Variants in ARMC9 observed in about 807,000 individuals in gnomAD.
ARMC9 encodes lisH domain-containing protein ARMC9.
A neutral mutation model predicts 107.0 loss-of-function variants in ARMC9; 94 were observed. The observed-to-expected ratio is 0.88, with a 90% CI of 0.74 to 1.04. The LOEUF is 1.04. ARMC9 is among the 50% of genes least tolerant of loss of function. The probability of loss-of-function intolerance (pLI) is 0.00; values close to 1 mark genes in which losing one functional copy is unlikely to be tolerated. For synonymous variants in ARMC9, 380 were observed against 396.9 expected, an observed-to-expected ratio of 0.96 and a Z score of 0.51; for missense variants, 942 against 1,030.1, an observed-to-expected ratio of 0.91 and a Z score of 1.17.
chr2:231,278,354 A>G (rs755302629), intron 15 of ARMC9, 28 bp from the exon 16 acceptor site: 3 of 1,610,888 alleles, frequency 1.9e-6, no homozygotes, highest in Middle Eastern at 1.7e-4. Flanking sequence ...TAGACATGTC[A>G]TGTTTAGCTT....
intron 3 of ARMC9, among the ~76,000 whole-genome samples, chr2:231,212,663 C>A (rs2033031158): frequency 6.6e-6 from 1 of 152,210 alleles, no homozygotes; most frequent in Non-Finnish European, 1.5e-5. Flanking sequence ...CACAGCACTG[C>A]CCCTGGGAGG....
chr2:231,209,023 T>G (rs1419395625), intron 3 of ARMC9, among the ~76,000 whole-genome samples: 3 of 152,028 alleles, frequency 2.0e-5, no homozygotes, highest in African/African-American at 7.3e-5. Flanking sequence ...TGCCTCACCC[T>G]CCCTAGTAGC....
intron 5 of ARMC9, among the ~76,000 whole-genome samples, chr2:231,217,984 C>T (rs553749958): frequency 1.0e-4 from 14 of 137,700 alleles, no homozygotes; most frequent in South Asian, 8.7e-4. Flanking sequence ...TGAGCCACCG[C>T]GCCTTGTTTG....
Position 231,358,034 on chromosome 2 carries a change from G to A in ARMC9, c.2131+2100G>A, listed in dbSNP as rs2697743. Among the ~76,000 whole-genome samples the A allele has an allele frequency of 2.0e-5, 3 of 152,196 alleles. No homozygotes were observed. Among genetic ancestry groups the A allele is most frequent in the African/African-American group, 7.2e-5 (3 of 41,540 alleles). On this transcript the variant is annotated intron_variant, in intron 22 of 24. Transcript: ENST00000611582. The surrounding 1 kb of genome is among the most constrained non-coding windows in gnomAD (Gnocchi z 4.5). ...GACAGGCCTGCCCACGGCCTGTTGC[G>A]TCTCCCCAGTTGGCCTCCCTGCCCC...
intron 21 of ARMC9, among the ~76,000 whole-genome samples, chr2:231,348,329 G>A (rs560373866): frequency 6.6e-6 from 1 of 152,202 alleles, no homozygotes; most frequent in Non-Finnish European, 1.5e-5. Flanking sequence ...CTAGAAACTG[G>A]AAAAGGCAAG....
rs548186735 is a variant in ARMC9 at position 231,235,939 on chromosome 2, G to A, written c.780+558G>A. Among the ~76,000 whole-genome samples the A allele has an allele frequency of 2.6e-5, 4 of 152,220 alleles. No individual in the cohort carries two copies. The South Asian group carries it at 8.3e-4, about 32-fold the overall frequency. Reference sequence around the variant, plus strand: ...TTACAAATGTGAGCCACTGCGCCTGGCCCTTTTTAAAAAATATATTTTTCA... The same window carrying A: ...TTACAAATGTGAGCCACTGCGCCTGACCCTTTTTAAAAAATATATTTTTCA... On this transcript the variant is annotated intron_variant, in intron 8 of 24. Coordinates refer to ENST00000611582, the MANE Select transcript of ARMC9 (RefSeq NM_001352754.2).
intron 22 of ARMC9, among the ~76,000 whole-genome samples, chr2:231,357,964 A>G (rs574864811): frequency 1.3e-5 from 2 of 152,196 alleles, no homozygotes; most frequent in African/African-American, 2.4e-5. Flanking sequence ...GTCATGAGTA[A>G]GCCTTTGCCA....
chr2:231,245,717 T>C (rs1179584726), intron 9 of ARMC9, among the ~76,000 whole-genome samples: 1 of 152,248 alleles, frequency 6.6e-6, no homozygotes, highest in East Asian at 1.9e-4. Context: ...GGCATTCCTC[T>C]ATCAGACATT....
intron 14 of ARMC9, among the ~76,000 whole-genome samples, chr2:231,274,411 C>T (rs770247687): frequency 1.6e-4 from 24 of 152,064 alleles, no homozygotes; most frequent in Non-Finnish European, 2.6e-4. Context: ...CCACCGCGCC[C>T]GGCCTACACC....
chr2:231,229,963 G>A (rs1487436047), intron 7 of ARMC9, among the ~76,000 whole-genome samples: 2 of 152,136 alleles, frequency 1.3e-5, no homozygotes, highest in African/African-American at 2.4e-5. Flanking sequence ...TCACTGTTAT[G>A]TCAGTAATTT....
chr2:231,357,975 C>T lies in ARMC9; in HGVS notation c.2131+2041C>T, dbSNP rs149969208. Among the ~76,000 whole-genome samples the T allele has an allele frequency of 2.8e-4, 43 of 152,308 alleles. 1 individual carries two copies. In the East Asian group the frequency reaches 7.5e-3, roughly 27 times the overall value. On this transcript the variant is annotated intron_variant, in intron 22 of 24. Transcript: ENST00000611582. ...CTGGGTCATGAGTAAGCCTTTGCCA[C>T]GCTTGGAGTAGATTCCATTCTGACC... is the stretch of plus-strand genomic sequence containing the variant.
intron 20 of ARMC9, among the ~76,000 whole-genome samples, chr2:231,344,623 T>C (rs1454113036): frequency 6.6e-6 from 1 of 152,238 alleles, no homozygotes; most frequent in Non-Finnish European, 1.5e-5. Context: ...GAAATGTTCG[T>C]ATTTTTATGA....
chr2:231,331,901 A>T lies in ARMC9; in HGVS notation c.1878+4A>T, dbSNP rs2043765223. 6.2e-7 allele frequency: 1 copy of T among 1,606,954 alleles called. No individual in the cohort carries two copies. The highest frequency in any genetic ancestry group is 1.1e-5 in the South Asian group (1 of 90,674). On this transcript the variant is annotated splice_donor_region_variant and intron_variant, in intron 20 of 24. Transcript: ENST00000611582. ...TCTGACCACGGAGTACCTGGGGGTAAGTGCCACACAAAGGGTGGGGATCCT... is the reference window on the plus strand; with the variant it reads ...TCTGACCACGGAGTACCTGGGGGTATGTGCCACACAAAGGGTGGGGATCCT...
At position 231,371,875 on chromosome 2, in the gene ARMC9, T is replaced by G; in HGVS notation, c.*340T>G. ...GCCCCAGAAACAGCAGGTGCTGGAT[T>G]TGCAGCCCTGGCCCTCCAGGCCCCA... On this transcript the variant is annotated 3_prime_UTR_variant, in exon 25 of 25. Transcript: ENST00000611582. 1 of 263,972 alleles carries G rather than the reference T, an allele frequency of 3.8e-6. No homozygotes were observed. Among genetic ancestry groups the G allele is most frequent in the Non-Finnish European group, 7.1e-6 (1 of 140,440 alleles). 16.4% of individuals were successfully genotyped at this position (263,972 alleles called of 1,614,324 possible).
chr2:231,255,221 A>ACACACAC lies in ARMC9; in HGVS notation c.880-1365_880-1364insCACACAC, dbSNP rs2037666918. ...CACACACACACACACACACACACAC[A>ACACACAC]AAATAAATGGGACAAGAATCTCCGT... is the stretch of plus-strand genomic sequence containing the variant. On this transcript the variant is annotated intron_variant, in intron 9 of 24. Coordinates refer to ENST00000611582, the MANE Select transcript of ARMC9 (RefSeq NM_001352754.2). This position sits in a 1 kb window ranked among gnomAD's most constrained non-coding sequence, Gnocchi z 4.7. Among the ~76,000 whole-genome samples the ACACACAC allele has an allele frequency of 6.8e-6, 1 of 146,488 alleles. No individual in the cohort carries two copies.
At position 231,373,807 on chromosome 2, in the gene ARMC9, GCACAA is replaced by G. The variant is rs1553640275; in HGVS notation, c.*2273_*2277del. 1.3e-5 allele frequency: 2 copies of G among 151,860 alleles called. No individual in the cohort carries two copies. Among genetic ancestry groups the G allele is most frequent in the Non-Finnish European group, 2.9e-5 (2 of 68,018 alleles). 9.4% of individuals were successfully genotyped at this position (151,860 alleles called of 1,614,324 possible). On this transcript the variant is annotated 3_prime_UTR_variant, in exon 25 of 25. Transcript: ENST00000611582. The surrounding 1 kb of genome is among the most constrained non-coding windows in gnomAD (Gnocchi z 4.4). ...ATCTCAGCTACTCAAGGAGGCTGAGGCACAAGAATAGCTTGAACCGGGAGATGGAA... is the reference window on the plus strand; with the variant it reads ...ATCTCAGCTACTCAAGGAGGCTGAGGGAATAGCTTGAACCGGGAGATGGAA...
intron 5 of ARMC9, among the ~76,000 whole-genome samples, chr2:231,219,515 G>A (rs1254207769): frequency 6.6e-6 from 1 of 152,098 alleles, no homozygotes; most frequent in Non-Finnish European, 1.5e-5. Flanking sequence ...TTTGAAGTTG[G>A]CTGTCAGTCT....
chr2:231,337,720 G>A (rs548857616), intron 20 of ARMC9, among the ~76,000 whole-genome samples: 10 of 152,084 alleles, frequency 6.6e-5, no homozygotes, highest in South Asian at 4.2e-4. Context: ...CACCTCACCC[G>A]GCCTCAATGT....
intron 1 of ARMC9, among the ~76,000 whole-genome samples, chr2:231,201,810 A>T (rs1018103143): frequency 2.6e-5 from 4 of 152,322 alleles, no homozygotes; most frequent in African/African-American, 9.6e-5. Flanking sequence ...CCTGGAGAAG[A>T]GCTGCAAAAC....
Sources: gnomAD v4.1 joint callset for allele counts (sites outside exome capture counted in the v4.1 genomes callset) on GRCh38, gnomAD v4.1.1 for gene constraint, Gnocchi (gnomAD v3.1) non-coding constraint, MANE v1.5 for transcripts, NCBI Gene and HGNC (gene_info 2026-07-23, HGNC 2026-07-21) for gene names.